The following ZEB2 variants were observed in gnomAD, a reference collection of about 807,000 sequenced individuals.
ZEB2 encodes the protein zinc finger E-box binding homeobox 2.
Under a neutral mutation model 99.9 loss-of-function variants are expected in ZEB2, and 6 were observed. The observed-to-expected ratio is 0.06, with a 90% CI of 0.03 to 0.12. ZEB2 has a LOEUF of 0.12. ZEB2 is among the 10% of genes least tolerant of loss of function. The pLI, the probability that ZEB2 is intolerant of heterozygous loss-of-function variation, is 1.00. For missense variants in ZEB2, 969 were observed against 1,502.8 expected (o/e 0.64, Z 5.87); for synonymous variants, 517 against 542.5 (o/e 0.95, Z 0.65).
At chr2:144,441,171 G>GAGAGAGAGAGAGAGAA (rs1703912185) in intron 2 of ZEB2, among the ~76,000 whole-genome samples, 1 of 140,626 alleles carries the variant, frequency 7.1e-6, no homozygotes, top group African/African-American at 2.6e-5. Context: ...GCACGAGAGA[G>GAGAGAGAGAGAGAGAA]AGAGAGAGAG....
chr2:144,439,146 A>C (rs867491887), intron 2 of ZEB2, among the ~76,000 whole-genome samples: 12 of 151,948 alleles, frequency 7.9e-5, no homozygotes, highest in Non-Finnish European at 1.3e-4. Context: ...AAAAAAAAAA[A>C]AAAAAAAACT....
At chr2:144,503,874 C>T (rs1352827432) in intron 2 of ZEB2, 1 of 151,836 alleles carries the variant, frequency 6.6e-6, no homozygotes, top group South Asian at 2.1e-4. Context: ...AACTTGCAAA[C>T]CCATGTCATT....
At chr2:144,440,507 ATATATATATT>A (rs1245183778) in intron 2 of ZEB2, among the ~76,000 whole-genome samples, 2 of 14,900 alleles carry the variant, frequency 1.3e-4, no homozygotes, top group African/African-American at 3.4e-4. Flanking sequence ...ATATATATAT[ATATATATATT>A]TTTTTTTTTT....
chr2:144,517,996 C>T, intron 1 of ZEB2: 1 of 276,584 alleles, frequency 3.6e-6, no homozygotes, highest in East Asian at 7.5e-5. Flanking sequence ...CTCTTCCTCC[C>T]CCCACCCTCG....
chr2:144,423,297 G>A (rs1703645180), intron 4 of ZEB2, among the ~76,000 whole-genome samples: 1 of 152,158 alleles, frequency 6.6e-6, no homozygotes. Context: ...GCTGGAGGCT[G>A]AAATTTAACA....
chr2:144,501,259 T>C (rs760968054), intron 2 of ZEB2, among the ~76,000 whole-genome samples: 7 of 152,224 alleles, frequency 4.6e-5, no homozygotes, highest in East Asian at 1.9e-4. Flanking sequence ...ATTGGTATCG[T>C]AGGGCTTGTG....
chr2:144,467,654 A>G (rs1404823409), intron 2 of ZEB2, among the ~76,000 whole-genome samples: 1 of 152,180 alleles, frequency 6.6e-6, no homozygotes, highest in East Asian at 1.9e-4. Context: ...TCTCTGAGCC[A>G]TCTGACCACC....
chr2:144,411,950 T>C (rs1259955276), intron 4 of ZEB2, among the ~76,000 whole-genome samples: 1 of 152,218 alleles, frequency 6.6e-6, no homozygotes, highest in African/African-American at 2.4e-5. Context: ...TGGCACAGAA[T>C]GATAGAGTCC....
chr2:144,492,466 T>C (rs540916074), intron 2 of ZEB2, among the ~76,000 whole-genome samples: 1 of 152,194 alleles, frequency 6.6e-6, no homozygotes, highest in African/African-American at 2.4e-5. Flanking sequence ...CCAGTATTTC[T>C]TCCCAACTGC....
chr2:144,500,817 A>C (rs1704857148), intron 2 of ZEB2, among the ~76,000 whole-genome samples: 1 of 152,192 alleles, frequency 6.6e-6, no homozygotes, highest in African/African-American at 2.4e-5. Context: ...GGAGCATACA[A>C]GTGAGGTAAA....
chr2:144,513,976 T>A, intron 2 of ZEB2: 1 of 1,219,126 alleles, frequency 8.2e-7, no homozygotes, highest in South Asian at 1.5e-5. Flanking sequence ...TTTTGCCTCC[T>A]TCCCCCTCAC....
Position 144,490,166 on chromosome 2 carries a change from A to T in ZEB2, c.73+27112T>A, listed in dbSNP as rs549270888. ...GAGGCAATGCAATGGTAAGAGCATG[A>T]CTCTCCCCAGATATAGTTCAAATCC... On this transcript the variant is annotated intron_variant, in intron 2 of 9. Transcript: ENST00000627532. Among the ~76,000 whole-genome samples the T allele has an allele frequency of 3.3e-5, 5 of 152,030 alleles. No homozygotes were observed. In the East Asian group the frequency reaches 9.7e-4, roughly 29 times the overall value.
At chr2:144,395,509 T>TCCC (rs1301537054) in intron 9 of ZEB2, among the ~76,000 whole-genome samples, 16 of 151,528 alleles carry the variant, frequency 1.1e-4, no homozygotes, top group African/African-American at 3.9e-4. Context: ...CTACACTTTT[T>TCCC]CCCCCCCGAT....
intron 2 of ZEB2, chr2:144,511,501 G>A (rs942496758): frequency 7.8e-7 from 1 of 1,281,360 alleles, no homozygotes; most frequent in Non-Finnish European, 1.0e-6. Flanking sequence ...TAGCTATTAA[G>A]GCAAAGGCTT....
intron 9 of ZEB2, chr2:144,394,328 T>C (rs1703193185): frequency 6.6e-6 from 1 of 152,198 alleles, no homozygotes; most frequent in Non-Finnish European, 1.5e-5. Flanking sequence ...TTATAAGAAG[T>C]AAATATATTG....
At chr2:144,519,841 C>A in intron 1 of ZEB2, 98 bp downstream of exon 1, 1 of 371,368 alleles carries the variant, frequency 2.7e-6, no homozygotes, top group Admixed American at 3.6e-5. Context: ...TTCAGACTCA[C>A]ATCCCCACTC....
intron 3 of ZEB2, 177 bp from the exon 4 acceptor site, chr2:144,425,044 A>G (rs1319285234): frequency 4.7e-6 from 3 of 640,544 alleles, no homozygotes; most frequent in Non-Finnish European, 8.2e-6. Context: ...TGCTAGCTGC[A>G]CAAGAACTTA....
chr2:144,392,897 A>C (rs540706204), intron 9 of ZEB2, among the ~76,000 whole-genome samples: 11 of 152,278 alleles, frequency 7.2e-5, no homozygotes, highest in Admixed American at 4.6e-4. Context: ...CTTAATAATA[A>C]ATGAAAGGTT....
chr2:144,467,135 A>C (rs566817077), intron 2 of ZEB2, among the ~76,000 whole-genome samples: 82 of 151,970 alleles, frequency 5.4e-4, no homozygotes, highest in Admixed American at 5.4e-3. Context: ...TCTTATGTTC[A>C]GATGTGTGAT....
Sources: allele counts gnomAD v4.1 joint callset (sites outside exome capture counted in the v4.1 genomes callset), GRCh38; gene constraint gnomAD v4.1.1; transcripts MANE v1.5; gene names NCBI Gene and HGNC (gene_info 2026-07-23, HGNC 2026-07-21).